SLC52A3: variants seen among roughly 807,000 people sequenced by gnomAD.
SLC52A3 encodes solute carrier family 52, riboflavin transporter, member 3.
In SLC52A3, 20 loss-of-function variants were observed where a neutral mutation model predicts 29.5. The observed-to-expected ratio is 0.68, with a 90% CI of 0.48 to 0.99. SLC52A3 has a LOEUF of 0.99. Ranked by LOEUF, SLC52A3 falls within the 50% of genes least tolerant of loss-of-function variation. SLC52A3 has a pLI of 0.00. For synonymous variants in SLC52A3, 301 were observed against 271.0 expected (o/e 1.11, Z -1.09); for missense variants, 548 against 612.9 (o/e 0.89, Z 1.12).
rs139137879 is a variant in SLC52A3, at chr20:761,158, G to A, written c.1278C>T (p.Arg426=). Residue 426 remains arginine, a synonymous_variant, in exon 5 of 5, where the codon CGC becomes CGT. Coordinates refer to ENST00000645534, the MANE Select transcript of SLC52A3 (RefSeq NM_033409.4). ...MLGVVLRDLS[R]SALLWCGAAV... The stretch of plus-strand genomic sequence containing the variant: ...CCGCCCCGCACCACAAGAGGGCGCT[G>A]CGGCTGAGGTCGCGCAGGACCACGC... The A allele has an allele frequency of 1.6e-4, 259 of 1,583,444 alleles. No individual in the cohort carries two copies. The highest frequency in any genetic ancestry group is 1.7e-4 in the Non-Finnish European group (196 of 1,166,254).
chr20:765,223 C>A lies in SLC52A3; in HGVS notation c.552G>T (p.Glu184Asp). ...DSVPSPVPTR[E>D]TDIAQGVPRA... ...TGCTGGGTACCTGTGCGATGTCAGT[C>A]TCCCTCGTGGGTACAGGGCTTGGTA... The change falls in exon 2 of 5, where the codon GAG (glutamate) becomes GAT (aspartate). Residue 184 changes from glutamate to aspartate, a missense_variant. This residue lies in a region of SLC52A3 where 375 missense variants were observed against 471.1 expected (regional missense o/e 0.80). Transcript: ENST00000645534. This position sits in a 1 kb window ranked among gnomAD's most constrained non-coding sequence, Gnocchi z 6.6. The A allele has an allele frequency of 6.2e-7, 1 of 1,614,218 alleles. No homozygotes were observed. Among genetic ancestry groups the A allele is most frequent in the Non-Finnish European group, 8.5e-7 (1 of 1,180,042 alleles).
intron 1 of SLC52A3, among the ~76,000 whole-genome samples, chr20:767,040 C>T (rs113780492): frequency 7.0e-6 from 1 of 142,432 alleles, no homozygotes; most frequent in African/African-American, 2.5e-5. Flanking sequence ...TTGGTAATAG[C>T]AAGTTATGGG....
At chr20:774,677 G>A (rs910366646) in intron 1 of SLC52A3, among the ~76,000 whole-genome samples, 2 of 152,222 alleles carry the variant, frequency 1.3e-5, no homozygotes, top group Admixed American at 6.5e-5. Context: ...TGGGAGCCTG[G>A]CCTCAGCCAC....
chr20:763,893 G>A lies in SLC52A3; in HGVS notation c.678C>T (p.Leu226=), dbSNP rs752834263. 7 of 1,614,032 alleles carry A rather than the reference G, an allele frequency of 4.3e-6. No individual in the cohort carries two copies. Among genetic ancestry groups the A allele is most frequent in the Non-Finnish European group, 8.5e-7 (1 of 1,180,022 alleles). ...GGCAGCAGGCCATCATGATGGATAG[G>A]AGGAGGAAGAAGACCAGGGGTGAGA... ...AHFSPLVFFL[L]LSIMMACCLV... Residue 226 remains leucine, a synonymous_variant, in exon 3 of 5, where the codon CTC becomes CTT. Transcript: ENST00000645534.
chr20:761,275 G>C (rs1368465537), intron 4 of SLC52A3, 37 bp from the exon 5 acceptor site: 1 of 1,522,100 alleles, frequency 6.6e-7, no homozygotes, highest in East Asian at 2.5e-5. Context: ...AGAGTCACGG[G>C]GCTTGCGGGG....
chr20:775,091 C>T (rs1467187900), intron 1 of SLC52A3, among the ~76,000 whole-genome samples: 1 of 152,124 alleles, frequency 6.6e-6, no homozygotes, highest in Non-Finnish European at 1.5e-5. Context: ...CCAGGAAGGG[C>T]TTCAGGCCTC....
chr20:766,838 A>AC (rs1437289761), intron 1 of SLC52A3, among the ~76,000 whole-genome samples: 1 of 149,232 alleles, frequency 6.7e-6, no homozygotes, highest in Admixed American at 6.6e-5. Flanking sequence ...GAACAAAGAG[A>AC]CCCCATATAG....
upstream of SLC52A3, among the ~76,000 whole-genome samples, chr20:771,383 C>T (rs558122946): frequency 2.4e-3 from 362 of 152,192 alleles, 1 homozygote; most frequent in Non-Finnish European, 3.3e-3. Flanking sequence ...GCCAAGAGCA[C>T]GCCAGTGCAC....
chr20:768,154 C>T (rs1178713898), intron 1 of SLC52A3, 143 bp downstream of exon 1: 1 of 152,156 alleles, frequency 6.6e-6, no homozygotes, highest in Non-Finnish European at 1.5e-5. Flanking sequence ...AGGGTAAGCA[C>T]CTCTAAGGGT....
intron 1 of SLC52A3, chr20:766,319 GCAAA>G (rs1388726341): frequency 6.5e-6 from 1 of 154,840 alleles, no homozygotes; most frequent in African/African-American, 2.4e-5. Context: ...ACACACAAAA[GCAAA>G]CAAAGCAGCT....
Position 761,061 on chromosome 20 carries a change from A to C in SLC52A3, c.1375T>G (p.Ser459Ala). Residue 459 changes from serine (S) to alanine (A), a missense_variant, in exon 5 of 5, where the codon TCC (serine) becomes GCC (alanine). Physicochemically the swap from Ser to Ala is moderately conservative, Grantham distance 99 (BLOSUM62 1). This residue lies in a region of SLC52A3 where 173 missense variants were observed against 141.8 expected (regional missense o/e 1.22). Coordinates refer to ENST00000645534, the MANE Select transcript of SLC52A3 (RefSeq NM_033409.4). The stretch of plus-strand genomic sequence containing the variant: ...CAGTGCAGATTGCAGAAGTCCGCGG[A>C]CGAGAAGAGCCGCAGCACGTTGACC... ...PLVNVLRLFS[S>A]ADFCNLHCPA is the part of the protein sequence containing the mutation. 6.2e-7 allele frequency: 1 copy of C among 1,609,852 alleles called. No individual in the cohort carries two copies. Among genetic ancestry groups the C allele is most frequent in the South Asian group, 1.1e-5 (1 of 90,498 alleles).
At position 763,979 on chromosome 20, in the gene SLC52A3, C is replaced by T. The variant is rs759918880; in HGVS notation, c.592G>A (p.Ala198Thr). 1.8e-5 allele frequency: 29 copies of T among 1,591,810 alleles called. 1 individual carries two copies. The highest frequency in any genetic ancestry group is 1.5e-4 in the South Asian group (13 of 88,526). ...AAGGGTGCTTCCATTCCGGGGAGGG[C>T]GGACACCAAAGCTCTGGGAACTCCC... ...AQGVPRALVSALPGMEAPLSH... is the reference protein window; with the variant it reads ...AQGVPRALVSTLPGMEAPLSH... Residue 198 changes from alanine (A) to threonine (T), a missense_variant, in exon 3 of 5, where the codon GCC becomes ACC. By Grantham distance (58) the Ala-to-Thr change is moderately conservative. Around this residue, in one of 2 missense-constraint regions of SLC52A3, gnomAD observed 375 missense variants for 471.1 expected, o/e 0.80. Transcript: ENST00000645534.
intron 1 of SLC52A3, chr20:766,083 C>T: frequency 2.6e-6 from 1 of 379,642 alleles, no homozygotes; most frequent in Non-Finnish European, 4.9e-6. Flanking sequence ...ATTACAGGTG[C>T]ATGCCACCAT....
intron 2 of SLC52A3, among the ~76,000 whole-genome samples, chr20:764,670 G>A (rs894587621): frequency 1.2e-4 from 18 of 152,218 alleles, no homozygotes; most frequent in Admixed American, 1.2e-3. Flanking sequence ...TTTCTAGCTG[G>A]TTATTTTGAA....
chr20:772,493 G>A (rs1218142963), upstream of SLC52A3, among the ~76,000 whole-genome samples: 1 of 152,150 alleles, frequency 6.6e-6, no homozygotes, highest in East Asian at 1.9e-4. Context: ...GGAACTACAT[G>A]TGCAAAAAGG....
In SLC52A3 at chr20:761,234, G is replaced by GCCA. The variant is rs1477135180; in HGVS notation, c.1199_1201dup (p.Val400dup). 6.5e-7 allele frequency: 1 copy of GCCA among 1,548,496 alleles called. No individual in the cohort carries two copies. Among genetic ancestry groups the GCCA allele is most frequent in the Non-Finnish European group, 8.7e-7 (1 of 1,146,372 alleles). ...GCAGCCGCTGAAAAGCACCCACGAGGCCACCTGCGGGGCCGGGAGGGAAGA... is the reference window on the plus strand; with the variant it reads ...GCAGCCGCTGAAAAGCACCCACGAGGCCACCACCTGCGGGGCCGGGAGGGAAGA... On this transcript the variant is annotated inframe_insertion, in exon 5 of 5. Transcript: ENST00000645534.
intron 1 of SLC52A3, among the ~76,000 whole-genome samples, chr20:774,234 T>G (rs1986941377): frequency 6.6e-6 from 1 of 152,174 alleles, no homozygotes; most frequent in Non-Finnish European, 1.5e-5. Context: ...GCCTCAGCTA[T>G]GAGGGTTGTG....
upstream of SLC52A3, among the ~76,000 whole-genome samples, chr20:778,859 C>T (rs1987139335): frequency 6.6e-6 from 1 of 152,064 alleles, no homozygotes; most frequent in South Asian, 2.1e-4. Context: ...GGATTACAGG[C>T]ATGAGCCACT....
At chr20:774,164 G>T (rs1041589789) in intron 1 of SLC52A3, among the ~76,000 whole-genome samples, 2 of 152,220 alleles carry the variant, frequency 1.3e-5, no homozygotes, top group African/African-American at 2.4e-5. Context: ...TTCTCGCTCT[G>T]CAGGGATAAT....
Sources: allele counts gnomAD v4.1 joint callset (sites outside exome capture counted in the v4.1 genomes callset), GRCh38; gene constraint gnomAD v4.1.1; regional missense constraint gnomAD v4.1.1; non-coding constraint Gnocchi (gnomAD v3.1); transcripts MANE v1.5; gene names NCBI Gene and HGNC (gene_info 2026-07-23, HGNC 2026-07-21).